The following MMD variants were observed in gnomAD, a reference collection of about 807,000 sequenced individuals.
The protein encoded by MMD is monocyte to macrophage differentiation associated.
MMD carries 22 observed loss-of-function variants against 33.6 expected under a neutral mutation model. The ratio of observed to expected loss-of-function variants is 0.66; its 90% CI spans 0.47 to 0.94. The LOEUF is 0.94. Ranked by LOEUF, MMD falls within the 40% of genes least tolerant of loss-of-function variation. MMD has a pLI of 0.00. For missense variants in MMD, 242 were observed against 309.8 expected, an observed-to-expected ratio of 0.78 and a Z score of 1.64; for synonymous variants, 97 against 103.2, an observed-to-expected ratio of 0.94 and a Z score of 0.36.
rs1398213402 is a variant in MMD at position 55,393,165 on chromosome 17, T to C, written c.*1169A>G. On this transcript the variant is annotated 3_prime_UTR_variant, in exon 7 of 7. Coordinates refer to ENST00000262065, the MANE Select transcript of MMD (RefSeq NM_012329.3). ...GAAAAGTAAAAATAATACATAAATATCACTCCACTGAGCCAGGATATAACT... is the reference window on the plus strand; with the variant it reads ...GAAAAGTAAAAATAATACATAAATACCACTCCACTGAGCCAGGATATAACT... The C allele has an allele frequency of 6.6e-6, 1 of 150,882 alleles. No homozygotes were observed. The highest frequency in any genetic ancestry group is 2.4e-5 in the African/African-American group (1 of 40,944). The allele number at this position is 150,882 out of a possible 1,614,324, so 9.3% of individuals were successfully genotyped here.
At chr17:55,416,465 A>G (rs1183849342) in intron 1 of MMD, among the ~76,000 whole-genome samples, 4 of 152,224 alleles carry the variant, frequency 2.6e-5, no homozygotes, top group Non-Finnish European at 5.9e-5. Context: ...GCACAGGGTA[A>G]GACACGGGCA....
intron 6 of MMD, among the ~76,000 whole-genome samples, chr17:55,398,359 C>T (rs984554657): frequency 1.3e-5 from 2 of 151,424 alleles, no homozygotes; most frequent in Admixed American, 1.3e-4. Context: ...CTAGAATCTC[C>T]ATGTGGATTC....
At chr17:55,396,064 C>T (rs570266246) in intron 6 of MMD, among the ~76,000 whole-genome samples, 2 of 152,132 alleles carry the variant, frequency 1.3e-5, no homozygotes, top group Non-Finnish European at 2.9e-5. Flanking sequence ...TCTGCCAAAA[C>T]AAGCAAGACA....
At chr17:55,421,379 A>G (rs1908179569) in intron 1 of MMD, among the ~76,000 whole-genome samples, 1 of 152,112 alleles carries the variant, frequency 6.6e-6, no homozygotes, top group Admixed American at 6.5e-5. Context: ...CCCCAGGAGC[A>G]AAGGGATCCC....
intron 4 of MMD, among the ~76,000 whole-genome samples, chr17:55,405,370 C>T (rs940892728): frequency 4.5e-5 from 6 of 132,364 alleles, no homozygotes; most frequent in Non-Finnish European, 6.6e-5. Flanking sequence ...AGCAAAACTC[C>T]GTCTCAAAGA....
chr17:55,417,431 A>G (rs1908007785), intron 1 of MMD, among the ~76,000 whole-genome samples: 1 of 152,090 alleles, frequency 6.6e-6, no homozygotes, highest in African/African-American at 2.4e-5. Flanking sequence ...AAGTCTCTTA[A>G]CTAGTCTTCC....
intron 4 of MMD, among the ~76,000 whole-genome samples, chr17:55,405,335 A>T (rs952178092): frequency 3.3e-5 from 5 of 151,452 alleles, no homozygotes; most frequent in African/African-American, 1.2e-4. Flanking sequence ...GCGCCATTGC[A>T]GTCCAGTCCA....
Position 55,421,774 on chromosome 17 carries a change from T to G in MMD, c.-79A>C, listed in dbSNP as rs1295699183. Reference sequence around the variant, plus strand: ...GCCGGGCGCGCGGCCCTCATGGGCTTGGGCTGCTCCGGAGGCCGCCTGCGT... The same window carrying G: ...GCCGGGCGCGCGGCCCTCATGGGCTGGGGCTGCTCCGGAGGCCGCCTGCGT... On this transcript the variant is annotated 5_prime_UTR_variant, in exon 1 of 7. Transcript: ENST00000262065. 1.1e-5 allele frequency: 17 copies of G among 1,480,034 alleles called. No individual in the cohort carries two copies. The highest frequency in any genetic ancestry group is 1.5e-5 in the Non-Finnish European group (17 of 1,113,080). The allele number at this position is 1,480,034 out of a possible 1,614,324, so 91.7% of individuals were successfully genotyped here. A position where few individuals can be genotyped will look rare whatever the true frequency, so the allele number is the denominator to read the frequency against.
At chr17:55,404,581 C>T in intron 4 of MMD, 2 of 985,318 alleles carry the variant, frequency 2.0e-6, no homozygotes, top group Non-Finnish European at 2.4e-6. Flanking sequence ...ATCAGATACC[C>T]ACAGTGGATA....
intron 6 of MMD, among the ~76,000 whole-genome samples, chr17:55,394,884 T>A (rs1907043466): frequency 6.6e-6 from 1 of 152,248 alleles, no homozygotes; most frequent in Non-Finnish European, 1.5e-5. Flanking sequence ...ATCTTCCCCT[T>A]TAAATGCTTC....
At chr17:55,416,441 C>T (rs996065043) in intron 1 of MMD, among the ~76,000 whole-genome samples, 12 of 152,110 alleles carry the variant, frequency 7.9e-5, no homozygotes, top group Admixed American at 6.5e-4. Context: ...TGACTTAAGG[C>T]ACTCTATCCT....
Position 55,393,553 on chromosome 17 carries a change from T to A in MMD, c.*781A>T, listed in dbSNP as rs2143109344. 1 of 152,760 alleles carries A rather than the reference T, an allele frequency of 6.5e-6. No individual in the cohort carries two copies. The highest frequency in any genetic ancestry group is 2.4e-5 in the African/African-American group (1 of 41,580). The allele number at this position is 152,760 out of a possible 1,614,324, so 9.5% of individuals were successfully genotyped here. A position where few individuals can be genotyped will look rare whatever the true frequency, so the allele number is the denominator to read the frequency against. ...GCAAAGGCATAGAGAAAAAGTTGGA[T>A]CTTTTGAAAAAGTTAATGATATCAA... On this transcript the variant is annotated 3_prime_UTR_variant, in exon 7 of 7. Transcript: ENST00000262065.
intron 1 of MMD, chr17:55,420,134 A>G (rs1438857560): frequency 2.6e-5 from 4 of 152,194 alleles, no homozygotes; most frequent in Non-Finnish European, 4.4e-5. Flanking sequence ...GGTAAGAATG[A>G]CAAACTCTTA....
chr17:55,421,646 G>C, intron 1 of MMD, 24 bp downstream of exon 1: 11 of 1,599,590 alleles, frequency 6.9e-6, no homozygotes, highest in Non-Finnish European at 9.4e-6. Flanking sequence ...ACGGGCAGCG[G>C]GACCGGGACG....
At chr17:55,396,030 T>C (rs973315910) in intron 6 of MMD, among the ~76,000 whole-genome samples, 5 of 152,140 alleles carry the variant, frequency 3.3e-5, no homozygotes, top group African/African-American at 1.2e-4. Context: ...CAGTCACTGT[T>C]ACAAAATATC....
intron 2 of MMD, among the ~76,000 whole-genome samples, chr17:55,412,346 C>A (rs1381717688): frequency 6.6e-6 from 1 of 152,066 alleles, no homozygotes; most frequent in Non-Finnish European, 1.5e-5. Context: ...TTTAACAGAG[C>A]CTTTTAAGTA....
chr17:55,401,396 T>C (rs1228976359), intron 6 of MMD, 73 bp downstream of exon 6: 1 of 1,275,268 alleles, frequency 7.8e-7, no homozygotes, highest in African/African-American at 1.5e-5. Flanking sequence ...AAAAGCTACA[T>C]ATCATATCCA....
Position 55,393,459 on chromosome 17 carries a change from C to G in MMD, c.*875G>C, listed in dbSNP as rs1227878784. The G allele has an allele frequency of 1.3e-5, 2 of 152,562 alleles. No individual in the cohort carries two copies. Among genetic ancestry groups the G allele is most frequent in the Non-Finnish European group, 2.9e-5 (2 of 68,026 alleles). The allele number at this position is 152,562 out of a possible 1,614,324, so 9.5% of individuals were successfully genotyped here. Reference sequence around the variant, plus strand: ...TCAGGAGTTTCCAGCAGATGGCCATCACAACAATACTGTCATAATACAGAA... The same window carrying G: ...TCAGGAGTTTCCAGCAGATGGCCATGACAACAATACTGTCATAATACAGAA... On this transcript the variant is annotated 3_prime_UTR_variant, in exon 7 of 7. Coordinates refer to ENST00000262065, the MANE Select transcript of MMD (RefSeq NM_012329.3).
intron 6 of MMD, among the ~76,000 whole-genome samples, chr17:55,400,531 G>A (rs555005966): frequency 6.9e-6 from 1 of 145,684 alleles, no homozygotes; most frequent in Admixed American, 7.0e-5. Context: ...CTGGGCAACA[G>A]AGCAAGACTT....
Sources: gnomAD v4.1 joint callset for allele counts (sites outside exome capture counted in the v4.1 genomes callset) on GRCh38, gnomAD v4.1.1 for gene constraint, MANE v1.5 for transcripts, NCBI Gene and HGNC (gene_info 2026-07-23, HGNC 2026-07-21) for gene names.